The following HIC2 variants were observed in gnomAD, a reference collection of about 807,000 sequenced individuals.
HIC2 encodes the protein HIC ZBTB transcriptional repressor 2.
Under a neutral mutation model 39.5 loss-of-function variants are expected in HIC2, and 2 were observed. That is an observed-to-expected ratio of 0.05 (90% confidence interval 0.02 to 0.16). The LOEUF (loss-of-function observed/expected upper bound fraction) is 0.16. Ranked by LOEUF, HIC2 falls within the 10% of genes least tolerant of loss-of-function variation. HIC2 has a pLI of 1.00. For synonymous variants in HIC2, 399 were observed against 368.8 expected (o/e 1.08, Z -0.94); for missense variants, 713 against 863.5 (o/e 0.83, Z 2.18).
In HIC2 at chr22:21,446,567, C is replaced by T. The variant is rs1409206373; in HGVS notation, c.1672C>T (p.Leu558=). Residue 558 remains leucine (L), a synonymous_variant, in exon 3 of 3, where the codon CTG becomes TTG. Coordinates refer to ENST00000407464, the MANE Select transcript of HIC2 (RefSeq NM_015094.3). Reference sequence around the variant, plus strand: ...GCGTCACATGCGGAGCCACCTGGGCCTGAAGCCCTTCGCCTGCGATGAGTG... The same window carrying T: ...GCGTCACATGCGGAGCCACCTGGGCTTGAAGCCCTTCGCCTGCGATGAGTG... ...MTRHMRSHLG[L]KPFACDECGM... The T allele has an allele frequency of 6.2e-7, 1 of 1,613,486 alleles. No individual in the cohort carries two copies. Among genetic ancestry groups the T allele is most frequent in the Non-Finnish European group, 8.5e-7 (1 of 1,180,022 alleles).
At chr22:21,444,878 G>A in intron 2 of HIC2, 44 bp from the exon 3 acceptor site, 1 of 1,573,752 alleles carries the variant, frequency 6.4e-7, no homozygotes, top group South Asian at 1.2e-5. Flanking sequence ...CCTGGTCCGA[G>A]TGTGCCAGTC....
At chr22:21,425,191 T>TG in intron 1 of HIC2, among the ~76,000 whole-genome samples, 1 of 37,868 alleles carries the variant, frequency 2.6e-5, no homozygotes, top group Middle Eastern at 0.014. Context: ...CACTGGCCTC[T>TG]GCCCTGGGTG....
chr22:21,445,293 C>T lies in HIC2; in HGVS notation c.398C>T (p.Ala133Val). ...ASYLQLPELA[A>V]LCRRKLKRAG... The stretch of plus-strand genomic sequence containing the variant: ...TACCTCCAGCTGCCCGAGTTGGCAG[C>T]CCTCTGCCGCCGCAAACTCAAGCGA... The change falls in exon 3 of 3, where the codon GCC becomes GTC. Residue 133 changes from alanine (A) to valine (V), a missense_variant. Ala to Val is a moderately conservative substitution (Grantham distance 64). Coordinates refer to ENST00000407464, the MANE Select transcript of HIC2 (RefSeq NM_015094.3). 6.2e-7 allele frequency: 1 copy of T among 1,607,842 alleles called. No homozygotes were observed. The highest frequency in any genetic ancestry group is 8.5e-7 in the Non-Finnish European group (1 of 1,177,772).
Position 21,446,477 on chromosome 22 carries a change from T to A in HIC2, c.1582T>A (p.Trp528Arg). The A allele has an allele frequency of 6.2e-7, 1 of 1,612,576 alleles. No individual in the cohort carries two copies. The highest frequency in any genetic ancestry group is 8.5e-7 in the Non-Finnish European group (1 of 1,180,028). ...ATLRQHEKTH[W>R]LTRPFPCNIC... Reference sequence around the variant, plus strand: ...GCTGCGGCAGCACGAGAAGACGCACTGGCTGACACGGCCCTTCCCCTGCAA... The same window carrying A: ...GCTGCGGCAGCACGAGAAGACGCACAGGCTGACACGGCCCTTCCCCTGCAA... Residue 528 changes from tryptophan to arginine, a missense_variant, in exon 3 of 3, where the codon TGG (tryptophan) becomes AGG (arginine). By Grantham distance (101) the Trp-to-Arg change is moderately radical (BLOSUM62 -3). Coordinates refer to ENST00000407464, the MANE Select transcript of HIC2 (RefSeq NM_015094.3).
chr22:21,444,440 T>C (rs1268620270), intron 2 of HIC2, among the ~76,000 whole-genome samples: 1 of 152,224 alleles, frequency 6.6e-6, no homozygotes, highest in African/African-American at 2.4e-5. Context: ...CCCTGCCGTA[T>C]TTCAAAAGGA....
Position 21,446,873 on chromosome 22 carries a change from C to G in HIC2, c.*130C>G, listed in dbSNP as rs1246640275. ...AGGCTCCGGGTGGCCCCTCTGGCCC[C>G]CACTGCCCACACCCAGAGCTTTAAT... is the stretch of plus-strand genomic sequence containing the variant. On this transcript the variant is annotated 3_prime_UTR_variant, in exon 3 of 3. Transcript: ENST00000407464. 1 of 1,238,864 alleles carries G rather than the reference C, an allele frequency of 8.1e-7. No homozygotes were observed. Among genetic ancestry groups the G allele is most frequent in the Non-Finnish European group, 1.1e-6 (1 of 916,020 alleles). 76.7% of individuals were successfully genotyped at this position (1,238,864 alleles called of 1,614,324 possible).
intron 2 of HIC2, among the ~76,000 whole-genome samples, chr22:21,444,412 C>G (rs942799278): frequency 2.6e-5 from 4 of 152,248 alleles, no homozygotes; most frequent in Non-Finnish European, 4.4e-5. Flanking sequence ...AACATGACTG[C>G]TGGCAGTTTG....
At chr22:21,443,200 G>T (rs1391922986) in intron 2 of HIC2, among the ~76,000 whole-genome samples, 1 of 152,180 alleles carries the variant, frequency 6.6e-6, no homozygotes, top group African/African-American at 2.4e-5. Context: ...GAAGTCTCCA[G>T]CCCATGAGCA....
chr22:21,426,337 AT>A (rs1228128162), intron 1 of HIC2, among the ~76,000 whole-genome samples: 5 of 48,228 alleles, frequency 1.0e-4, no homozygotes, highest in South Asian at 2.3e-3. Flanking sequence ...ACAGCCAGCT[AT>A]TTTTTTTTTT....
In HIC2 at chr22:21,444,982, G is replaced by A. The variant is rs777192251; in HGVS notation, c.87G>A (p.Ser29=). 1.1e-4 allele frequency: 184 copies of A among 1,613,752 alleles called. No individual in the cohort carries two copies. The Admixed American group carries it at 1.2e-3, about 10-fold the overall frequency. The stretch of plus-strand genomic sequence containing the variant: ...CCGACATGGAGCTGCCCAGCCACTC[G>A]AAGCAGCTCCTGCTGCAGCTGAACC... ...MGPDMELPSH[S]KQLLLQLNQQ... is the part of the protein sequence containing the mutation. Residue 29 remains serine, a synonymous_variant, in exon 3 of 3, where the codon TCG becomes TCA. Coordinates refer to ENST00000407464, the MANE Select transcript of HIC2 (RefSeq NM_015094.3).
At position 21,417,386 on chromosome 22, in the gene HIC2, G is replaced by A. The variant is rs1389796341; in HGVS notation, c.-248G>A. 6.7e-6 allele frequency: 1 copy of A among 148,862 alleles called. No homozygotes were observed. The highest frequency in any genetic ancestry group is 1.5e-5 in the Non-Finnish European group (1 of 66,412). 9.2% of individuals were successfully genotyped at this position (148,862 alleles called of 1,614,324 possible). A position where few individuals can be genotyped will look rare whatever the true frequency, so the allele number is the denominator to read the frequency against. On this transcript the variant is annotated 5_prime_UTR_variant, in exon 1 of 3. An upstream start codon of the reference 5' UTR is lost. Coordinates refer to ENST00000407464, the MANE Select transcript of HIC2 (RefSeq NM_015094.3). ...CGCCGACGTCACAAGCTTCCAAGAT[G>A]GCGCTGGGCGGGCGGCTGTGAGCGG...
chr22:21,444,962 A>G lies in HIC2; in HGVS notation c.67A>G (p.Met23Val), dbSNP rs200328739. 1 of 1,613,494 alleles carries G rather than the reference A, an allele frequency of 6.2e-7. No homozygotes were observed. The highest frequency in any genetic ancestry group is 1.3e-5 in the African/African-American group (1 of 75,048). The stretch of plus-strand genomic sequence containing the variant: ...AGGGCGCGGGGACATGGGGCCCGAC[A>G]TGGAGCTGCCCAGCCACTCGAAGCA... ...WAGRGDMGPD[M>V]ELPSHSKQLL... Residue 23 changes from methionine to valine, a missense_variant, in exon 3 of 3, where the codon ATG becomes GTG. By Grantham distance (21) the Met-to-Val change is conservative. Around this residue, in one of 5 missense-constraint regions of HIC2, gnomAD observed 102 missense variants for 187.1 expected, o/e 0.55. Coordinates refer to ENST00000407464, the MANE Select transcript of HIC2 (RefSeq NM_015094.3).
In HIC2 at chr22:21,446,111, A is replaced by G; in HGVS notation, c.1216A>G (p.Ser406Gly). 2 of 1,608,208 alleles carry G rather than the reference A, an allele frequency of 1.2e-6. No individual in the cohort carries two copies. Among genetic ancestry groups the G allele is most frequent in the Non-Finnish European group, 1.7e-6 (2 of 1,179,828 alleles). ...KEEEENGKDA[S>G]EDSAQSGSEG... ...GGAGGAGGAGAACGGCAAGGATGCA[A>G]GTGAAGACAGTGCGCAGAGCGGGAG... Residue 406 changes from serine to glycine, a missense_variant, in exon 3 of 3, where the codon AGT (serine) becomes GGT (glycine). Around this residue, in one of 5 missense-constraint regions of HIC2, gnomAD observed 457 missense variants for 420.2 expected, o/e 1.09. Coordinates refer to ENST00000407464, the MANE Select transcript of HIC2 (RefSeq NM_015094.3).
rs1285629848 is a variant in HIC2 at position 21,445,055 on chromosome 22, A to G, written c.160A>G (p.Asn54Asp). The change falls in exon 3 of 3, where the codon AAC becomes GAC. Residue 54 changes from asparagine (N) to aspartate (D), a missense_variant. This residue lies in a region of HIC2 where 102 missense variants were observed against 187.1 expected (regional missense o/e 0.55). Coordinates refer to ENST00000407464, the MANE Select transcript of HIC2 (RefSeq NM_015094.3). ...GTGTGACGTCATCATCATGGTGGAG[A>G]ACTCCATCTTCCGGGCCCACAAGAA... is the stretch of plus-strand genomic sequence containing the variant. ...FLCDVIIMVE[N>D]SIFRAHKNVL... is the part of the protein sequence containing the mutation. 2.5e-6 allele frequency: 4 copies of G among 1,614,086 alleles called. No homozygotes were observed. The highest frequency in any genetic ancestry group is 1.7e-5 in the Admixed American group (1 of 60,018).
chr22:21,417,506 C>T lies in HIC2; in HGVS notation c.-128C>T, dbSNP rs960050948. The T allele has an allele frequency of 5.5e-5, 8 of 146,038 alleles. No homozygotes were observed. The highest frequency in any genetic ancestry group is 1.5e-5 in the Non-Finnish European group (1 of 65,878). The allele number at this position is 146,038 out of a possible 1,614,324, so 9.0% of individuals were successfully genotyped here. On this transcript the variant is annotated 5_prime_UTR_variant, in exon 1 of 3. Coordinates refer to ENST00000407464, the MANE Select transcript of HIC2 (RefSeq NM_015094.3). ...GCGAGCCGGGCGCTGAGGACAAGGG[C>T]CGCTGGTAGGGCCGGCCGGCCGGCG...
intron 1 of HIC2, among the ~76,000 whole-genome samples, chr22:21,425,491 C>A: frequency 6.7e-6 from 1 of 148,446 alleles, no homozygotes; most frequent in South Asian, 2.1e-4. Flanking sequence ...GCCTCAGCCT[C>A]CCGAGTAACT....
In HIC2 at chr22:21,446,982, G is replaced by A; in HGVS notation, c.*239G>A. On this transcript the variant is annotated 3_prime_UTR_variant, in exon 3 of 3. Coordinates refer to ENST00000407464, the MANE Select transcript of HIC2 (RefSeq NM_015094.3). Reference sequence around the variant, plus strand: ...CCTCCCCATCCCACCCAGGCCCCCAGCTCCCCGCGGGGGCCACCGCAGGGC... The same window carrying A: ...CCTCCCCATCCCACCCAGGCCCCCAACTCCCCGCGGGGGCCACCGCAGGGC... 1 of 580,422 alleles carries A rather than the reference G, an allele frequency of 1.7e-6. No individual in the cohort carries two copies. Among genetic ancestry groups the A allele is most frequent in the Middle Eastern group, 4.7e-4 (1 of 2,144 alleles). The allele number at this position is 580,422 out of a possible 1,614,324, so 36.0% of individuals were successfully genotyped here.
rs1002272256 is a variant in HIC2, at chr22:21,447,051, T to G, written c.*308T>G. ...GGGTCTCGCTGGGACCTGGTCCCTTTGTTGCAGGCGGCTTGGAGAAAGGGC... is the reference window on the plus strand; with the variant it reads ...GGGTCTCGCTGGGACCTGGTCCCTTGGTTGCAGGCGGCTTGGAGAAAGGGC... On this transcript the variant is annotated 3_prime_UTR_variant, in exon 3 of 3. Coordinates refer to ENST00000407464, the MANE Select transcript of HIC2 (RefSeq NM_015094.3). The G allele has an allele frequency of 1.1e-5, 4 of 364,210 alleles. No individual in the cohort carries two copies. Among genetic ancestry groups the G allele is most frequent in the South Asian group, 5.0e-5 (1 of 19,878 alleles). 22.6% of individuals were successfully genotyped at this position (364,210 alleles called of 1,614,324 possible).
intron 1 of HIC2, among the ~76,000 whole-genome samples, chr22:21,426,522 A>C (rs1485540910): frequency 6.8e-6 from 1 of 146,076 alleles, no homozygotes; most frequent in African/African-American, 2.5e-5. Flanking sequence ...AGGCTGGAGT[A>C]CAGTGGCACG....
Sources: gnomAD v4.1 joint callset for allele counts (sites outside exome capture counted in the v4.1 genomes callset) on GRCh38, gnomAD v4.1.1 for gene constraint, gnomAD v4.1.1 regional missense constraint, MANE v1.5 for transcripts, NCBI Gene and HGNC (gene_info 2026-07-23, HGNC 2026-07-21) for gene names.